The following NTNG2 variants were observed in gnomAD, a reference collection of about 807,000 sequenced individuals.
NTNG2 encodes netrin G2.
In NTNG2, 15 loss-of-function variants were observed where a neutral mutation model predicts 47.6. The ratio of observed to expected loss-of-function variants is 0.32; its 90% CI spans 0.21 to 0.49. The LOEUF is 0.49. Among genes scored for constraint, NTNG2 ranks in the 20% least tolerant of loss-of-function variants. NTNG2 has a pLI of 0.99. For synonymous variants in NTNG2, 307 were observed against 324.6 expected (o/e 0.95, Z 0.58); for missense variants, 578 against 764.6 (o/e 0.76, Z 2.88).
chr9:132,191,360 C>T (rs768140427), intron 2 of NTNG2, among the ~76,000 whole-genome samples: 13 of 152,038 alleles, frequency 8.6e-5, no homozygotes, highest in Non-Finnish European at 1.5e-4. Context: ...TAATCGCTCC[C>T]ATTTGGAGAC....
chr9:132,227,351 C>T (rs1337640051), intron 4 of NTNG2, among the ~76,000 whole-genome samples: 2 of 152,244 alleles, frequency 1.3e-5, no homozygotes, highest in African/African-American at 4.8e-5. Flanking sequence ...GCTGCCCTTC[C>T]AGCCCTGGTC....
In NTNG2 at chr9:132,242,391, T is replaced by A; in HGVS notation, c.*280T>A. On this transcript the variant is annotated 3_prime_UTR_variant, in exon 8 of 8. Coordinates refer to ENST00000393229, the MANE Select transcript of NTNG2 (RefSeq NM_032536.4). The surrounding 1 kb of genome is among the most constrained non-coding windows in gnomAD (Gnocchi z 5.9). The stretch of plus-strand genomic sequence containing the variant: ...CTTTTTTGTCTTTCTCTCTCTCTCT[T>A]TTTTTTTTTTTTTTTCTGGCGGTGA... 1 of 78,376 alleles carries A rather than the reference T, an allele frequency of 1.3e-5. No homozygotes were observed. Among genetic ancestry groups the A allele is most frequent in the Non-Finnish European group, 2.2e-5 (1 of 46,212 alleles). 4.9% of individuals were successfully genotyped at this position (78,376 alleles called of 1,614,324 possible).
At chr9:132,235,966 C>T (rs888561628) in intron 5 of NTNG2, among the ~76,000 whole-genome samples, 1 of 152,172 alleles carries the variant, frequency 6.6e-6, no homozygotes, top group East Asian at 1.9e-4. Context: ...AGCTCACCTG[C>T]TTCAAGAGGT....
intron 3 of NTNG2, among the ~76,000 whole-genome samples, chr9:132,203,044 T>C (rs891961341): frequency 6.6e-6 from 1 of 151,538 alleles, no homozygotes; most frequent in Admixed American, 6.6e-5. Flanking sequence ...GAGAGGGAAG[T>C]GGGGGAGGCT....
At chr9:132,168,166 G>A (rs529647409) in intron 2 of NTNG2, among the ~76,000 whole-genome samples, 2 of 152,356 alleles carry the variant, frequency 1.3e-5, no homozygotes, top group East Asian at 1.9e-4. Context: ...AGGAGGTGGC[G>A]AAGCTGTGAT....
chr9:132,209,980 G>GA (rs1163724924), intron 3 of NTNG2, among the ~76,000 whole-genome samples: 2 of 151,960 alleles, frequency 1.3e-5, no homozygotes, highest in African/African-American at 4.8e-5. Flanking sequence ...GAGCTGACAG[G>GA]ACAGAGGGCC....
rs1016353829 is a variant in NTNG2 at position 132,215,201 on chromosome 9, T to C, written c.858-11648T>C. Among the ~76,000 whole-genome samples the C allele has an allele frequency of 6.6e-6, 1 of 152,058 alleles. No homozygotes were observed. The highest frequency in any genetic ancestry group is 1.5e-5 in the Non-Finnish European group (1 of 68,016). On this transcript the variant is annotated intron_variant, in intron 3 of 7. Coordinates refer to ENST00000393229, the MANE Select transcript of NTNG2 (RefSeq NM_032536.4). The surrounding 1 kb of genome is among the most constrained non-coding windows in gnomAD (Gnocchi z 4.2). ...ATGAGCCACTGCACCAGGCCTAAAA[T>C]TCAAATGTAACTCAGTGTCCTGTAT...
chr9:132,185,009 C>T (rs1023641134), intron 2 of NTNG2, among the ~76,000 whole-genome samples: 5 of 151,840 alleles, frequency 3.3e-5, no homozygotes, highest in East Asian at 1.9e-4. Flanking sequence ...AAGGGGAAGG[C>T]GCTGGGGCTC....
In NTNG2 at chr9:132,241,110, G is replaced by A. The variant is rs1841951443; in HGVS notation, c.1357+66G>A. 28 of 1,489,260 alleles carry A rather than the reference G, an allele frequency of 1.9e-5. No homozygotes were observed. The South Asian group carries it at 3.4e-4, about 18-fold the overall frequency. 92.3% of individuals were successfully genotyped at this position (1,489,260 alleles called of 1,614,324 possible). ...GGGGACGGGGCAGGACCGAGGCAGT[G>A]GGCGGGGCCTAGTGGGACGGGGCAG... is the stretch of plus-strand genomic sequence containing the variant. On this transcript the variant is annotated intron_variant, in intron 7 of 7. Transcript: ENST00000393229.
In NTNG2 at chr9:132,180,843, G is replaced by T. The variant is rs929342115; in HGVS notation, c.213+13799G>T. ...TCATGGCCCCACTTGAGAATCCATG[G>T]TGCTCTTCCTAGAACCACGCATGTG... On this transcript the variant is annotated intron_variant, in intron 2 of 7. Coordinates refer to ENST00000393229, the MANE Select transcript of NTNG2 (RefSeq NM_032536.4). The surrounding 1 kb of genome is among the most constrained non-coding windows in gnomAD (Gnocchi z 4.2). Among the ~76,000 whole-genome samples, 1 of 152,184 alleles carries T rather than the reference G, an allele frequency of 6.6e-6. No individual in the cohort carries two copies. Among genetic ancestry groups the T allele is most frequent in the African/African-American group, 2.4e-5 (1 of 41,436 alleles).
intron 3 of NTNG2, among the ~76,000 whole-genome samples, chr9:132,217,028 A>G (rs922434583): frequency 2.0e-5 from 3 of 152,190 alleles, no homozygotes; most frequent in African/African-American, 7.2e-5. Flanking sequence ...AGAGAGACGC[A>G]GGCAGCAGGT....
At chr9:132,192,829 A>T (rs1009929586) in intron 2 of NTNG2, among the ~76,000 whole-genome samples, 2 of 152,200 alleles carry the variant, frequency 1.3e-5, no homozygotes, top group African/African-American at 4.8e-5. Flanking sequence ...CTCGGGATTT[A>T]TTTATTGTAC....
intron 3 of NTNG2, among the ~76,000 whole-genome samples, chr9:132,219,581 AAAAAAAAG>A (rs1407497673): frequency 1.4e-5 from 2 of 143,146 alleles, no homozygotes; most frequent in African/African-American, 2.7e-5. Context: ...TCAAAAAAAA[AAAAAAAAG>A]AAAGAAAGAA....
chr9:132,220,894 TTTAAA>T (rs1489902542), intron 3 of NTNG2, among the ~76,000 whole-genome samples: 1 of 152,282 alleles, frequency 6.6e-6, no homozygotes, highest in Non-Finnish European at 1.5e-5. Flanking sequence ...TAATAATTTC[TTTAAA>T]TTAATATACT....
At chr9:132,213,331 C>CAA (rs61393543) in intron 3 of NTNG2, among the ~76,000 whole-genome samples, 61 of 104,360 alleles carry the variant, frequency 5.8e-4, no homozygotes, top group East Asian at 1.2e-3. Context: ...GACTCCATCT[C>CAA]AAAAAAAAAA....
chr9:132,191,865 C>G (rs970208257), intron 2 of NTNG2, among the ~76,000 whole-genome samples: 1 of 152,198 alleles, frequency 6.6e-6, no homozygotes, highest in Non-Finnish European at 1.5e-5. Flanking sequence ...GCCACCGCGC[C>G]CGGCCATTAC....
In NTNG2 at chr9:132,215,667, G is replaced by A. The variant is rs914246823; in HGVS notation, c.858-11182G>A. 2.6e-5 allele frequency among the ~76,000 whole-genome samples: 4 copies of A among 152,160 alleles called. No individual in the cohort carries two copies. The highest frequency in any genetic ancestry group is 6.5e-5 in the Admixed American group (1 of 15,272). Reference sequence around the variant, plus strand: ...CAGGGGGTGTGTCACCTCTTGGGGCGCCCCAGGGGCCTGGAGAATAGGTTG... The same window carrying A: ...CAGGGGGTGTGTCACCTCTTGGGGCACCCCAGGGGCCTGGAGAATAGGTTG... On this transcript the variant is annotated intron_variant, in intron 3 of 7. Transcript: ENST00000393229. This position sits in a 1 kb window ranked among gnomAD's most constrained non-coding sequence, Gnocchi z 4.2.
At chr9:132,240,367 G>A (rs369635450) in intron 6 of NTNG2, among the ~76,000 whole-genome samples, 1 of 152,194 alleles carries the variant, frequency 6.6e-6, no homozygotes, top group East Asian at 1.9e-4. Context: ...CCTCCACCCC[G>A]AGAGCCAGCA....
rs2131018822 is a variant in NTNG2, at chr9:132,236,334, A to T, written c.1055-2770A>T. Among the ~76,000 whole-genome samples the T allele has an allele frequency of 6.6e-6, 1 of 152,312 alleles. No individual in the cohort carries two copies. The highest frequency in any genetic ancestry group is 1.9e-4 in the East Asian group (1 of 5,182). On this transcript the variant is annotated intron_variant, in intron 5 of 7. Coordinates refer to ENST00000393229, the MANE Select transcript of NTNG2 (RefSeq NM_032536.4). This position sits in a 1 kb window ranked among gnomAD's most constrained non-coding sequence, Gnocchi z 4.3. ...TGGAAGACACTGACATCCTCCTGCT[A>T]CGTGGGAGGAGACACAGGGCTCATC...
Sources: allele counts gnomAD v4.1 joint callset (sites outside exome capture counted in the v4.1 genomes callset), GRCh38; gene constraint gnomAD v4.1.1; non-coding constraint Gnocchi (gnomAD v3.1); transcripts MANE v1.5; gene names NCBI Gene and HGNC (gene_info 2026-07-23, HGNC 2026-07-21).